The following PRKCB variants were observed in gnomAD, a reference collection of about 807,000 sequenced individuals.
The protein encoded by PRKCB is protein kinase C beta type.
Under a neutral mutation model 81.5 loss-of-function variants are expected in PRKCB, and 13 were observed. That is an observed-to-expected ratio of 0.16 (90% CI 0.10 to 0.25). The LOEUF (loss-of-function observed/expected upper bound fraction) is 0.25, where lower values mean the gene tolerates loss of function less well. PRKCB is among the 10% of genes least tolerant of loss of function. The pLI, the probability that PRKCB is intolerant of heterozygous loss-of-function variation, is 1.00. For missense variants in PRKCB, 509 were observed against 875.7 expected (o/e 0.58, Z 5.29); for synonymous variants, 335 against 321.4 (o/e 1.04, Z -0.45).
At chr16:23,905,529 T>C (rs1455450777) in intron 2 of PRKCB, among the ~76,000 whole-genome samples, 1 of 152,226 alleles carries the variant, frequency 6.6e-6, no homozygotes. Flanking sequence ...TAGCACCAAC[T>C]TATCCTAAAA....
intron 5 of PRKCB, among the ~76,000 whole-genome samples, chr16:24,085,594 C>T (rs866063566): frequency 6.6e-6 from 1 of 152,122 alleles, no homozygotes; most frequent in African/African-American, 2.4e-5. Context: ...TCTGGGAAAA[C>T]TGGGATGGAT....
chr16:23,947,883 C>A (rs956769369), intron 2 of PRKCB, among the ~76,000 whole-genome samples: 1 of 82,030 alleles, frequency 1.2e-5, no homozygotes, highest in African/African-American at 5.3e-5. Flanking sequence ...ACTCTGGAGC[C>A]GCTTTTTTTT....
At chr16:24,073,767 G>C (rs1048697683) in intron 5 of PRKCB, among the ~76,000 whole-genome samples, 2 of 152,190 alleles carry the variant, frequency 1.3e-5, no homozygotes, top group Admixed American at 6.5e-5. Context: ...ATGGAAAGAT[G>C]CTATTTTGGG....
At chr16:24,082,139 T>C (rs1237747087) in intron 5 of PRKCB, among the ~76,000 whole-genome samples, 2 of 152,046 alleles carry the variant, frequency 1.3e-5, no homozygotes, top group Non-Finnish European at 2.9e-5. Context: ...AAGGAAATAT[T>C]TAGGTATAAA....
At chr16:23,880,237 A>G (rs1963084370) in intron 2 of PRKCB, among the ~76,000 whole-genome samples, 1 of 152,114 alleles carries the variant, frequency 6.6e-6, no homozygotes, top group South Asian at 2.1e-4. Context: ...GCTAAATAGA[A>G]GGGCTCTTTC....
chr16:23,923,720 G>A (rs186012218), intron 2 of PRKCB, among the ~76,000 whole-genome samples: 1 of 152,134 alleles, frequency 6.6e-6, no homozygotes, highest in East Asian at 1.9e-4. Context: ...AATAATGACA[G>A]GGTTTCTCCT....
chr16:24,212,096 G>T (rs552364989), intron 16 of PRKCB, among the ~76,000 whole-genome samples: 1 of 151,858 alleles, frequency 6.6e-6, no homozygotes, highest in Non-Finnish European at 1.5e-5. Context: ...ATCCTTTTTC[G>T]GCAACTCTCC....
intron 16 of PRKCB, among the ~76,000 whole-genome samples, chr16:24,193,472 T>TAAATAAATA (rs1555501784): frequency 1.9e-4 from 20 of 103,158 alleles, no homozygotes; most frequent in African/African-American, 5.9e-4. Flanking sequence ...AATAAATAAA[T>TAAATAAATA]AAATAAATAA....
At chr16:24,186,033 T>C (rs1967699420) in intron 15 of PRKCB, among the ~76,000 whole-genome samples, 1 of 152,202 alleles carries the variant, frequency 6.6e-6, no homozygotes. Context: ...ATTCTCTAGA[T>C]AAGCAGACTG....
chr16:24,125,702 G>A (rs1966842648), intron 9 of PRKCB, among the ~76,000 whole-genome samples: 1 of 152,180 alleles, frequency 6.6e-6, no homozygotes, highest in Non-Finnish European at 1.5e-5. Flanking sequence ...GGTCGCCACT[G>A]TGATTTCAGA....
At chr16:24,083,676 A>T (rs919857999) in intron 5 of PRKCB, among the ~76,000 whole-genome samples, 9 of 152,168 alleles carry the variant, frequency 5.9e-5, no homozygotes, top group African/African-American at 2.2e-4. Context: ...GGGGCTGAGG[A>T]TGAGAAGAGG....
intron 2 of PRKCB, 42 bp downstream of exon 2, chr16:23,837,448 G>A (rs1213207597): frequency 6.3e-7 from 1 of 1,590,898 alleles, no homozygotes; most frequent in Non-Finnish European, 8.5e-7. Context: ...TGGGAAGAGA[G>A]GGTGAAAAAT....
chr16:24,068,051 T>C (rs562960736), intron 5 of PRKCB, among the ~76,000 whole-genome samples: 11 of 152,258 alleles, frequency 7.2e-5, no homozygotes, highest in Non-Finnish European at 1.6e-4. Flanking sequence ...TGCTGGTTTA[T>C]AGCCTTCGTA....
At chr16:24,169,217 C>T (rs540731339) in intron 10 of PRKCB, among the ~76,000 whole-genome samples, 2 of 152,104 alleles carry the variant, frequency 1.3e-5, no homozygotes, top group East Asian at 1.9e-4. Flanking sequence ...CTTTGGAGAC[C>T]CAGTAACTCC....
intron 2 of PRKCB, among the ~76,000 whole-genome samples, chr16:23,973,765 C>T (rs1390930339): frequency 3.9e-5 from 6 of 152,126 alleles, no homozygotes; most frequent in African/African-American, 1.2e-4. Context: ...ACTGCAGCCT[C>T]GACCTCCTGG....
At chr16:24,182,849 T>C (rs72779990) in intron 13 of PRKCB, among the ~76,000 whole-genome samples, 6,441 of 129,436 alleles carry the variant, frequency 0.05, 179 homozygotes, top group Non-Finnish European at 0.073. Flanking sequence ...AATGGGATGA[T>C]GCTTGGGCAT....
chr16:24,110,280 C>T (rs1341454006), intron 7 of PRKCB, among the ~76,000 whole-genome samples: 2 of 147,500 alleles, frequency 1.4e-5, no homozygotes, highest in African/African-American at 5.0e-5. Flanking sequence ...GGAGCAATCT[C>T]GGTTCACTGC....
chr16:24,006,827 C>T (rs930994244), intron 3 of PRKCB, among the ~76,000 whole-genome samples: 6 of 125,964 alleles, frequency 4.8e-5, no homozygotes, highest in South Asian at 2.4e-4. Context: ...AGTACTGATA[C>T]GGGGAGCAGG....
chr16:23,887,327 G>C (rs11645802), intron 2 of PRKCB, among the ~76,000 whole-genome samples: 6,365 of 152,286 alleles, frequency 0.042, 178 homozygotes, highest in South Asian at 0.087. Flanking sequence ...CCAGTAGGTA[G>C]TTTTTAAACC....
Sources: allele counts gnomAD v4.1 joint callset (sites outside exome capture counted in the v4.1 genomes callset), GRCh38; gene constraint gnomAD v4.1.1; transcripts MANE v1.5; gene names NCBI Gene and HGNC (gene_info 2026-07-23, HGNC 2026-07-21).